SPATS2L: variants seen among roughly 807,000 people sequenced by gnomAD.
SPATS2L encodes SPATS2-like protein.
Under a neutral mutation model 59.6 loss-of-function variants are expected in SPATS2L, and 30 were observed. That is an observed-to-expected ratio of 0.50 (90% CI 0.38 to 0.68). The LOEUF (loss-of-function observed/expected upper bound fraction) is 0.68. Ranked by LOEUF, SPATS2L falls within the 30% of genes least tolerant of loss-of-function variation. The pLI is 0.00. For missense variants in SPATS2L, 615 were observed against 700.0 expected, an observed-to-expected ratio of 0.88 and a Z score of 1.37; for synonymous variants, 252 against 263.5, an observed-to-expected ratio of 0.96 and a Z score of 0.42.
At chr2:200,327,658 G>A (rs1433254574) in intron 1 of SPATS2L, among the ~76,000 whole-genome samples, 1 of 152,178 alleles carries the variant, frequency 6.6e-6, no homozygotes, top group Non-Finnish European at 1.5e-5. Context: ...AAGAAAATTA[G>A]AAAATTGTTT....
intron 9 of SPATS2L, among the ~76,000 whole-genome samples, chr2:200,462,979 G>A (rs977323552): frequency 6.6e-6 from 1 of 151,934 alleles, no homozygotes; most frequent in Non-Finnish European, 1.5e-5. Flanking sequence ...AGTAGTTATT[G>A]TAAAGATAAA....
chr2:200,429,168 A>T (rs1467271581), intron 6 of SPATS2L, among the ~76,000 whole-genome samples: 1 of 152,122 alleles, frequency 6.6e-6, no homozygotes, highest in Non-Finnish European at 1.5e-5. Context: ...TTGGGCCCTC[A>T]TACTGGCCAT....
At chr2:200,396,031 A>AAATAT (rs1553520535) in intron 3 of SPATS2L, among the ~76,000 whole-genome samples, 13 of 30,952 alleles carry the variant, frequency 4.2e-4, no homozygotes, top group African/African-American at 1.1e-3. Flanking sequence ...AAAAAAAAAA[A>AAATAT]AAATATATAT....
intron 3 of SPATS2L, among the ~76,000 whole-genome samples, chr2:200,398,004 AT>A (rs1409383542): frequency 1.3e-5 from 2 of 152,086 alleles, no homozygotes; most frequent in Non-Finnish European, 2.9e-5. Flanking sequence ...AGAAAGGAAA[AT>A]CGAGCAGAGA....
At chr2:200,413,833 A>G (rs1175738960) in intron 4 of SPATS2L, among the ~76,000 whole-genome samples, 2 of 152,258 alleles carry the variant, frequency 1.3e-5, no homozygotes, top group African/African-American at 4.8e-5. Flanking sequence ...AAGCAAATCC[A>G]TGGTGCATAA....
At chr2:200,312,419 T>G (rs1032963191) in intron 1 of SPATS2L, among the ~76,000 whole-genome samples, 1 of 152,196 alleles carries the variant, frequency 6.6e-6, no homozygotes, top group Non-Finnish European at 1.5e-5. Flanking sequence ...TCCCATGGTC[T>G]GTAAAGCTAG....
At chr2:200,378,444 T>TG in intron 2 of SPATS2L, 1 of 976,962 alleles carries the variant, frequency 1.0e-6, no homozygotes, top group Non-Finnish European at 1.2e-6. Flanking sequence ...GCTGGCTGCC[T>TG]GGGGGTACTC....
chr2:200,361,637 A>G (rs977728939), intron 2 of SPATS2L, among the ~76,000 whole-genome samples: 2 of 152,174 alleles, frequency 1.3e-5, no homozygotes, highest in African/African-American at 4.8e-5. Flanking sequence ...TGAAACAGGG[A>G]TATTAAGTTG....
At chr2:200,367,455 T>C (rs2081299906) in intron 2 of SPATS2L, among the ~76,000 whole-genome samples, 1 of 152,182 alleles carries the variant, frequency 6.6e-6, no homozygotes, top group Non-Finnish European at 1.5e-5. Context: ...AGTTATTCTG[T>C]ACTCAAATCG....
chr2:200,326,131 T>G (rs950319850), intron 1 of SPATS2L, among the ~76,000 whole-genome samples: 16 of 152,196 alleles, frequency 1.1e-4, no homozygotes, highest in Non-Finnish European at 8.8e-5. Flanking sequence ...TTCCAGAGCC[T>G]TTTCACTTTT....
chr2:200,427,207 TG>T (rs1249237858), intron 6 of SPATS2L, among the ~76,000 whole-genome samples: 2 of 152,292 alleles, frequency 1.3e-5, no homozygotes, highest in Non-Finnish European at 1.5e-5. Context: ...TTAAGATTTT[TG>T]AACAAAGATT....
rs1312956409 is a variant in SPATS2L, at chr2:200,389,219, A to G, written c.-22-4A>G. 5 of 1,551,926 alleles carry G rather than the reference A, an allele frequency of 3.2e-6. No homozygotes were observed. The highest frequency in any genetic ancestry group is 1.7e-4 in the Middle Eastern group (1 of 6,006). The stretch of plus-strand genomic sequence containing the variant: ...AAACTTAATCTTGTTTTCCTTCTTT[A>G]TAGGGCCTATTCCACTAGAAGCAAG... On this transcript the variant is annotated splice_region_variant and splice_polypyrimidine_tract_variant and intron_variant, in intron 2 of 12. Coordinates refer to ENST00000409140, the MANE Select transcript of SPATS2L (RefSeq NM_001100423.2).
chr2:200,347,335 C>G (rs2080548505), intron 2 of SPATS2L, among the ~76,000 whole-genome samples: 1 of 152,132 alleles, frequency 6.6e-6, no homozygotes, highest in Admixed American at 6.6e-5. Context: ...GGTGGGAGTT[C>G]CAGGAAACCT....
At chr2:200,404,537 A>G (rs2082630350) in intron 3 of SPATS2L, among the ~76,000 whole-genome samples, 1 of 152,096 alleles carries the variant, frequency 6.6e-6, no homozygotes, top group Admixed American at 6.5e-5. Flanking sequence ...TGGAAGGTAT[A>G]TTTTTTTAAA....
chr2:200,466,860 G>T (rs2086639759), intron 9 of SPATS2L, among the ~76,000 whole-genome samples: 1 of 152,250 alleles, frequency 6.6e-6, no homozygotes, highest in Admixed American at 6.5e-5. Flanking sequence ...GAGGGCTGCT[G>T]CTGTTAAAGT....
At chr2:200,473,436 T>A (rs1359513491) in intron 12 of SPATS2L, among the ~76,000 whole-genome samples, 1 of 152,212 alleles carries the variant, frequency 6.6e-6, no homozygotes, top group African/African-American at 2.4e-5. Flanking sequence ...CCTACTAAAC[T>A]ACTAATGAGA....
At chr2:200,382,521 G>A (rs1427444173) in intron 2 of SPATS2L, among the ~76,000 whole-genome samples, 3 of 152,276 alleles carry the variant, frequency 2.0e-5, no homozygotes, top group South Asian at 2.1e-4. Flanking sequence ...CCCGTGGAAC[G>A]GTTTTATTCC....
intron 3 of SPATS2L, among the ~76,000 whole-genome samples, chr2:200,394,008 T>C (rs909601504): frequency 5.3e-5 from 8 of 152,236 alleles, no homozygotes; most frequent in African/African-American, 1.9e-4. Context: ...TTCATGCAGC[T>C]TTTAGTCCAA....
intron 12 of SPATS2L, among the ~76,000 whole-genome samples, chr2:200,473,257 G>A (rs1176689033): frequency 6.6e-6 from 1 of 152,100 alleles, no homozygotes; most frequent in Non-Finnish European, 1.5e-5. Context: ...TGCCTGCCAG[G>A]TGCTTTCCCA....
Sources: gnomAD v4.1 joint callset for allele counts (sites outside exome capture counted in the v4.1 genomes callset) on GRCh38, gnomAD v4.1.1 for gene constraint, MANE v1.5 for transcripts, NCBI Gene and HGNC (gene_info 2026-07-23, HGNC 2026-07-21) for gene names.